The following COCH variants were observed in gnomAD, a reference collection of about 807,000 sequenced individuals.
COCH encodes the protein cochlin, also known as coagulation factor C homolog, cochlin (Limulus polyphemus).
A neutral mutation model predicts 54.8 loss-of-function variants in COCH; 40 were observed. The ratio of observed to expected loss-of-function variants is 0.73; its 90% confidence interval spans 0.57 to 0.95. The LOEUF (loss-of-function observed/expected upper bound fraction) is 0.95. Among genes scored for constraint, COCH ranks in the 40% least tolerant of loss-of-function variants. The pLI, the probability that COCH is intolerant of heterozygous loss-of-function variation, is 0.00. For synonymous variants in COCH, 256 were observed against 237.9 expected (o/e 1.08, Z -0.70); for missense variants, 605 against 675.0 (o/e 0.90, Z 1.15).
At chr14:30,881,954 ACT>A (rs1259803040) in intron 8 of COCH, among the ~76,000 whole-genome samples, 1 of 150,752 alleles carries the variant, frequency 6.6e-6, no homozygotes, top group East Asian at 1.9e-4. Context: ...ACAGAGCAAG[ACT>A]CTGTTTCAAA....
intron 11 of COCH, among the ~76,000 whole-genome samples, chr14:30,888,227 GA>G (rs1405788149): frequency 4.0e-5 from 6 of 150,692 alleles, no homozygotes; most frequent in Non-Finnish European, 7.4e-5. Context: ...TGAGGGGGAG[GA>G]AAAAAATATT....
intron 1 of COCH, 80 bp downstream of exon 1, chr14:30,874,671 G>A (rs1895286792): frequency 1.7e-6 from 1 of 591,670 alleles, no homozygotes; most frequent in Non-Finnish European, 3.0e-6. Context: ...CTCCCAGCCT[G>A]TCTGTCGTCG....
downstream of COCH, among the ~76,000 whole-genome samples, chr14:30,893,098 T>A (rs925871721): frequency 3.3e-5 from 5 of 151,230 alleles, no homozygotes; most frequent in Non-Finnish European, 7.4e-5. Flanking sequence ...GGTGCAAAAG[T>A]AATTGCCATT....
chr14:30,893,149 ATTTTTTTTT>A (rs754080275), downstream of COCH, among the ~76,000 whole-genome samples: 9 of 91,246 alleles, frequency 9.9e-5, no homozygotes, highest in South Asian at 3.5e-4. Context: ...AAAAACCACA[ATTTTTTTTT>A]TTTTTTTTTT....
chr14:30,878,596 G>A (rs1459146869), intron 4 of COCH, among the ~76,000 whole-genome samples: 1 of 152,212 alleles, frequency 6.6e-6, no homozygotes, highest in Non-Finnish European at 1.5e-5. Context: ...GGTGGAGGTT[G>A]CAGTGAGCCG....
Position 30,885,090 on chromosome 14 carries a change from T to G in COCH, c.734-304T>G, listed in dbSNP as rs28362773. 124,100 of 1,569,642 alleles carry G rather than the reference T, an allele frequency of 0.079. 6,059 individuals carry two copies. Among genetic ancestry groups the G allele is most frequent in the East Asian group, 0.24 (10,566 of 44,686 alleles). On this transcript the variant is annotated intron_variant, in intron 9 of 11. Transcript: ENST00000396618. ...TACATAGAGAGCACATGCATGGAAG[T>G]GGGAATCAGTTTTGTGTTTCTAACT...
At chr14:30,875,163 A>T in intron 3 of COCH, 60 bp downstream of exon 3, 2 of 1,539,816 alleles carry the variant, frequency 1.3e-6, no homozygotes, top group South Asian at 1.2e-5. Context: ...CAGCGGGTAC[A>T]AGCGGGACTC....
At chr14:30,893,788 GACTC>G (rs1478117451), downstream of COCH, 12 of 152,410 alleles carry the variant, frequency 7.9e-5, no homozygotes, top group African/African-American at 1.2e-4. Context: ...AAAAATGAAG[GACTC>G]ACTAAGAAAT....
At chr14:30,885,128 G>A in intron 9 of COCH, 8 of 1,513,020 alleles carry the variant, frequency 5.3e-6, no homozygotes, top group Admixed American at 2.0e-5. Flanking sequence ...CGATTGATGT[G>A]GGGTAAACAA....
At chr14:30,875,389 G>A (rs1009892827) in intron 3 of COCH, 9 of 598,752 alleles carry the variant, frequency 1.5e-5, no homozygotes, top group Non-Finnish European at 2.7e-5. Context: ...CCCAGACCCC[G>A]GGCCCGCTGA....
chr14:30,892,906 A>G (rs1331108714), downstream of COCH, among the ~76,000 whole-genome samples: 1 of 152,114 alleles, frequency 6.6e-6, no homozygotes, highest in Non-Finnish European at 1.5e-5. Flanking sequence ...AAAATTTCTC[A>G]GTGTACAATG....
rs1301947920 is a variant in COCH at position 30,886,212 on chromosome 14, C to T, written c.1377C>T (p.Gly459=). ...CCTTCACTGTTAGAAATGTGTTTGG[C>T]CCTATAAGGGAGAGCCCCAACAAGA... ...AISFTVRNVF[G]PIRESPNKNF... The change falls in exon 11 of 12, where the codon GGC becomes GGT. Residue 459 remains glycine (G), a synonymous_variant. Coordinates refer to ENST00000396618, the MANE Select transcript of COCH (RefSeq NM_004086.3). 2 of 1,611,770 alleles carry T rather than the reference C, an allele frequency of 1.2e-6. No homozygotes were observed. The highest frequency in any genetic ancestry group is 1.7e-6 in the Non-Finnish European group (2 of 1,178,610).
chr14:30,882,611 C>T (rs1018219090), intron 8 of COCH, among the ~76,000 whole-genome samples: 23 of 152,244 alleles, frequency 1.5e-4, no homozygotes, highest in African/African-American at 5.3e-4. Flanking sequence ...ATTATTTCTT[C>T]ACTACATTAC....
In COCH at chr14:30,877,878, G is replaced by C. The variant is rs1357873160; in HGVS notation, c.239+150G>C. The stretch of plus-strand genomic sequence containing the variant: ...TGGATATATTTTCACGGTTCTCCTG[G>C]ATATACTTGAAACACCAAATACACA... On this transcript the variant is annotated intron_variant, in intron 4 of 11. Transcript: ENST00000396618. This position sits in a 1 kb window ranked among gnomAD's most constrained non-coding sequence, Gnocchi z 8.6. The C allele has an allele frequency of 7.2e-7, 1 of 1,387,698 alleles. No individual in the cohort carries two copies. Among genetic ancestry groups the C allele is most frequent in the Non-Finnish European group, 9.8e-7 (1 of 1,020,976 alleles). The allele number at this position is 1,387,698 out of a possible 1,614,324, so 86.0% of individuals were successfully genotyped here.
In COCH at chr14:30,877,759, A is replaced by C. The variant is rs1895420039; in HGVS notation, c.239+31A>C. 5 of 1,613,838 alleles carry C rather than the reference A, an allele frequency of 3.1e-6. No individual in the cohort carries two copies. Among genetic ancestry groups the C allele is most frequent in the Non-Finnish European group, 4.2e-6 (5 of 1,179,996 alleles). ...CCCAAACACACCAGGGTGGGAGAGA[A>C]ATGCAGACGTGATTATTTCCTTTCC... On this transcript the variant is annotated intron_variant, in intron 4 of 11. Transcript: ENST00000396618. This position sits in a 1 kb window ranked among gnomAD's most constrained non-coding sequence, Gnocchi z 8.6.
At chr14:30,893,443 C>T (rs566721270), downstream of COCH, among the ~76,000 whole-genome samples, 133 of 152,038 alleles carry the variant, frequency 8.7e-4, no homozygotes, top group Non-Finnish European at 1.5e-3. Context: ...TGAGCCACCG[C>T]GCCCGGCCAA....
chr14:30,887,434 G>A (rs1416653419), intron 11 of COCH, among the ~76,000 whole-genome samples: 7 of 149,430 alleles, frequency 4.7e-5, no homozygotes, highest in East Asian at 1.9e-4. Context: ...TTTCCCCCCC[G>A]CTTAAGATAA....
chr14:30,886,852 G>A (rs911545627), intron 11 of COCH, among the ~76,000 whole-genome samples: 1 of 152,122 alleles, frequency 6.6e-6, no homozygotes, highest in African/African-American at 2.4e-5. Flanking sequence ...CAAATAGCTA[G>A]GACGACAGGC....
intron 3 of COCH, 55 bp downstream of exon 3, chr14:30,875,158 G>T: frequency 1.3e-6 from 2 of 1,540,288 alleles, no homozygotes; most frequent in Non-Finnish European, 1.7e-6. Context: ...AGCACCAGCG[G>T]GTACAAGCGG....
Sources: gnomAD v4.1 joint callset for allele counts (sites outside exome capture counted in the v4.1 genomes callset) on GRCh38, gnomAD v4.1.1 for gene constraint, Gnocchi (gnomAD v3.1) non-coding constraint, MANE v1.5 for transcripts, NCBI Gene and HGNC (gene_info 2026-07-23, HGNC 2026-07-21) for gene names.